Variants in TTYH2 observed in about 807,000 individuals in gnomAD.
The protein encoded by TTYH2 is protein tweety homolog 2.
In TTYH2, 49 loss-of-function variants were observed where a neutral mutation model predicts 68.3. The observed-to-expected ratio is 0.72, with a 90% CI of 0.57 to 0.91. TTYH2 has a LOEUF of 0.91. Ranked by LOEUF, TTYH2 falls within the 40% of genes least tolerant of loss-of-function variation. TTYH2 has a pLI of 0.00. For synonymous variants in TTYH2, 272 were observed against 300.8 expected (o/e 0.90, Z 0.99); for missense variants, 631 against 700.4 (o/e 0.90, Z 1.12).
At chr17:74,227,983 C>CTT (rs35080135) in intron 2 of TTYH2, among the ~76,000 whole-genome samples, 1,230 of 112,492 alleles carry the variant, frequency 0.011, 65 homozygotes, top group African/African-American at 0.048. Context: ...TCTTTTCTTT[C>CTT]TTTTTTTTTT....
chr17:74,233,877 G>A (rs1462034973), intron 3 of TTYH2, among the ~76,000 whole-genome samples: 1 of 152,152 alleles, frequency 6.6e-6, no homozygotes, highest in African/African-American at 2.4e-5. Flanking sequence ...GTCTGCAGCA[G>A]GCTGATGGGC....
At chr17:74,230,853 T>C (rs2050381063) in intron 2 of TTYH2, 35 bp from the exon 3 acceptor site, 1 of 1,605,108 alleles carries the variant, frequency 6.2e-7, no homozygotes, top group South Asian at 1.1e-5. Context: ...CCTCTGTGTA[T>C]CACCTCTAAC....
rs2050742128 is a variant in TTYH2 at position 74,260,755 on chromosome 17, C to T, written c.*546C>T. The T allele has an allele frequency of 6.4e-6, 1 of 155,318 alleles. No individual in the cohort carries two copies. Among genetic ancestry groups the T allele is most frequent in the Admixed American group, 6.2e-5 (1 of 16,096 alleles). The allele number at this position is 155,318 out of a possible 1,614,324, so 9.6% of individuals were successfully genotyped here. A position where few individuals can be genotyped will look rare whatever the true frequency, so the allele number is the denominator to read the frequency against. ...CACCAGAACAGCCCAAATCAGAGTT[C>T]CCAGGGCCAGACAGGCTCTTCCTGG... On this transcript the variant is annotated 3_prime_UTR_variant, in exon 14 of 14. Coordinates refer to ENST00000269346, the MANE Select transcript of TTYH2 (RefSeq NM_032646.6).
At position 74,217,065 on chromosome 17, in the gene TTYH2, C is replaced by T. The variant is rs574481657; in HGVS notation, c.129+3349C>T. 8.5e-5 allele frequency among the ~76,000 whole-genome samples: 13 copies of T among 152,304 alleles called. No homozygotes were observed. The highest frequency in any genetic ancestry group is 2.9e-4 in the African/African-American group (12 of 41,572). ...AGCAATGTCTCTCTGAGCAAATGAA[C>T]GAGGCACTTCGGTGTCCCTGCCTGA... is the stretch of plus-strand genomic sequence containing the variant. On this transcript the variant is annotated intron_variant, in intron 1 of 13. Coordinates refer to ENST00000269346, the MANE Select transcript of TTYH2 (RefSeq NM_032646.6). The surrounding 1 kb of genome is among the most constrained non-coding windows in gnomAD (Gnocchi z 4.0).
rs185384296 is a variant in TTYH2 at position 74,215,079 on chromosome 17, C to T, written c.129+1363C>T. ...GCCCAGCCTGTGGGAGTCTGTGTTCCCTGAGAATGTGGCTGCCTGGGGATA... is the reference window on the plus strand; with the variant it reads ...GCCCAGCCTGTGGGAGTCTGTGTTCTCTGAGAATGTGGCTGCCTGGGGATA... On this transcript the variant is annotated intron_variant, in intron 1 of 13. Coordinates refer to ENST00000269346, the MANE Select transcript of TTYH2 (RefSeq NM_032646.6). The surrounding 1 kb of genome is among the most constrained non-coding windows in gnomAD (Gnocchi z 4.3). Among the ~76,000 whole-genome samples the T allele has an allele frequency of 4.6e-5, 7 of 151,920 alleles. No homozygotes were observed. The highest frequency in any genetic ancestry group is 2.0e-4 in the Admixed American group (3 of 15,270).
intron 4 of TTYH2, among the ~76,000 whole-genome samples, chr17:74,238,166 C>A (rs377097695): frequency 6.6e-6 from 1 of 152,124 alleles, no homozygotes; most frequent in Non-Finnish European, 1.5e-5. Context: ...AGGGTGGAAA[C>A]GCCACATGCT....
In TTYH2 at chr17:74,215,859, A is replaced by T; in HGVS notation, c.129+2143A>T. ...CAAGTGCTATGCCAGGCGTGGGGTGACCGTGGTAACCAAGGCAGCAGGTCT... is the reference window on the plus strand; with the variant it reads ...CAAGTGCTATGCCAGGCGTGGGGTGTCCGTGGTAACCAAGGCAGCAGGTCT... On this transcript the variant is annotated intron_variant, in intron 1 of 13. Coordinates refer to ENST00000269346, the MANE Select transcript of TTYH2 (RefSeq NM_032646.6). This position sits in a 1 kb window ranked among gnomAD's most constrained non-coding sequence, Gnocchi z 4.3. 1 of 776,738 alleles carries T rather than the reference A, an allele frequency of 1.3e-6. No individual in the cohort carries two copies. The allele number at this position is 776,738 out of a possible 1,614,324, so 48.1% of individuals were successfully genotyped here.
At chr17:74,252,179 C>T (rs1567821087) in intron 10 of TTYH2, 55 bp from the exon 11 acceptor site, 6 of 1,601,650 alleles carry the variant, frequency 3.7e-6, no homozygotes, top group Non-Finnish European at 5.1e-6. Flanking sequence ...AGAGCTCGGC[C>T]CGCAGGCTTT....
In TTYH2 at chr17:74,252,295, G is replaced by C. The variant is rs781583856; in HGVS notation, c.1178G>C (p.Gly393Ala). The C allele has an allele frequency of 3.1e-6, 5 of 1,613,808 alleles. No individual in the cohort carries two copies. In the South Asian group the frequency reaches 5.5e-5, roughly 18 times the overall value. The stretch of plus-strand genomic sequence containing the variant: ...GGCCTCCAGGGCTTGCTGTACCTTG[G>C]CCTCTTCTCCTTCCTGGCCGCCCTC... ...YDGLQGLLYL[G>A]LFSFLAALAF... Residue 393 changes from glycine (G) to alanine (A), a missense_variant, in exon 11 of 14, where the codon GGC (glycine) becomes GCC (alanine). Gly to Ala is a moderately conservative substitution (Grantham distance 60, BLOSUM62 0). Coordinates refer to ENST00000269346, the MANE Select transcript of TTYH2 (RefSeq NM_032646.6).
chr17:74,225,947 T>C (rs1317459344), intron 2 of TTYH2, among the ~76,000 whole-genome samples: 2 of 152,202 alleles, frequency 1.3e-5, no homozygotes, highest in East Asian at 3.9e-4. Flanking sequence ...GGCTTACACC[T>C]GGGCGTGGGC....
chr17:74,215,928 G>A lies in TTYH2; in HGVS notation c.129+2212G>A, dbSNP rs531248666. 2.4e-4 allele frequency among the ~76,000 whole-genome samples: 36 copies of A among 152,342 alleles called. No individual in the cohort carries two copies. Among genetic ancestry groups the A allele is most frequent in the Admixed American group, 1.9e-3 (29 of 15,310 alleles). ...GATTTTCTGCGGCTGGGCTCTGGGC[G>A]CAGTGCTATGGCAGACACCAAGCAG... On this transcript the variant is annotated intron_variant, in intron 1 of 13. Coordinates refer to ENST00000269346, the MANE Select transcript of TTYH2 (RefSeq NM_032646.6). This position sits in a 1 kb window ranked among gnomAD's most constrained non-coding sequence, Gnocchi z 4.3.
chr17:74,222,304 A>G lies in TTYH2; in HGVS notation c.130-181A>G, dbSNP rs563479695. Among the ~76,000 whole-genome samples the G allele has an allele frequency of 6.6e-6, 1 of 152,128 alleles. No individual in the cohort carries two copies. The highest frequency in any genetic ancestry group is 2.4e-5 in the African/African-American group (1 of 41,488). On this transcript the variant is annotated intron_variant, in intron 1 of 13. Transcript: ENST00000269346. This position sits in a 1 kb window ranked among gnomAD's most constrained non-coding sequence, Gnocchi z 5.2. ...CCTGTAAGCTCCATCACTCCCACCC[A>G]AGTGCCTCAGCGCCGGGCCCTCTGT...
rs373541262 is a variant in TTYH2, at chr17:74,222,031, G to A, written c.130-454G>A. On this transcript the variant is annotated intron_variant, in intron 1 of 13. Transcript: ENST00000269346. The surrounding 1 kb of genome is among the most constrained non-coding windows in gnomAD (Gnocchi z 5.2). ...AGGCCCTGCCTCAGTGGCACTCAGC[G>A]CCCGAGGCCTCTGGGTACTCTGGTC... 1.4e-4 allele frequency among the ~76,000 whole-genome samples: 21 copies of A among 152,310 alleles called. No homozygotes were observed. The highest frequency in any genetic ancestry group is 1.2e-3 in the South Asian group (6 of 4,832).
At chr17:74,223,276 CTTT>C (rs1187472026) in intron 2 of TTYH2, among the ~76,000 whole-genome samples, 1 of 129,406 alleles carries the variant, frequency 7.7e-6, no homozygotes, top group African/African-American at 3.5e-5. Context: ...GCCTGCCTGG[CTTT>C]TTTTTTGGGG....
rs967530353 is a variant in TTYH2 at position 74,217,296 on chromosome 17, T to C, written c.129+3580T>C. Among the ~76,000 whole-genome samples, 1 of 152,210 alleles carries C rather than the reference T, an allele frequency of 6.6e-6. No homozygotes were observed. Among genetic ancestry groups the C allele is most frequent in the Admixed American group, 6.5e-5 (1 of 15,280 alleles). On this transcript the variant is annotated intron_variant, in intron 1 of 13. Coordinates refer to ENST00000269346, the MANE Select transcript of TTYH2 (RefSeq NM_032646.6). The surrounding 1 kb of genome is among the most constrained non-coding windows in gnomAD (Gnocchi z 4.0). ...GCCGACCAGCTGCTCTTTGGGGACA[T>C]GTGTTAGGAGGCAGAGGAGATGTTG...
In TTYH2 at chr17:74,250,332, T is replaced by A. The variant is rs374479940; in HGVS notation, c.1091T>A (p.Met364Lys). ...SESSLHQLTA[M>K]VDCRGLHKDY... ...TCCAGCCTTCACCAGCTGACCGCCA[T>A]GGTGGACTGCCGAGGGCTGCACAAG... The change falls in exon 10 of 14, where the codon ATG (methionine) becomes AAG (lysine). Residue 364 changes from methionine to lysine, a missense_variant. By Grantham distance (95) the Met-to-Lys change is moderately conservative. Transcript: ENST00000269346. The A allele has an allele frequency of 6.2e-7, 1 of 1,613,454 alleles. No homozygotes were observed. Among genetic ancestry groups the A allele is most frequent in the East Asian group, 2.2e-5 (1 of 44,876 alleles).
At chr17:74,243,101 C>T (rs1160527252) in intron 4 of TTYH2, among the ~76,000 whole-genome samples, 1 of 152,202 alleles carries the variant, frequency 6.6e-6, no homozygotes, top group Admixed American at 6.5e-5. Context: ...AACAGCTCCT[C>T]CACTGGGGAA....
chr17:74,252,449 C>G (rs1598233030), intron 11 of TTYH2, 73 bp downstream of exon 11: 1 of 1,543,260 alleles, frequency 6.5e-7, no homozygotes, highest in African/African-American at 1.4e-5. Context: ...GGGGCCTCTG[C>G]TCTACGATTT....
intron 1 of TTYH2, among the ~76,000 whole-genome samples, chr17:74,216,617 AGCCCAAGTCCTC>A (rs1419181810): frequency 6.6e-6 from 1 of 152,200 alleles, no homozygotes; most frequent in Non-Finnish European, 1.5e-5. Flanking sequence ...AGTGAACTTG[AGCCCAAGTCCTC>A]GCAAAGGCCA....
Sources: gnomAD v4.1 joint callset for allele counts (sites outside exome capture counted in the v4.1 genomes callset) on GRCh38, gnomAD v4.1.1 for gene constraint, Gnocchi (gnomAD v3.1) non-coding constraint, MANE v1.5 for transcripts, NCBI Gene and HGNC (gene_info 2026-07-23, HGNC 2026-07-21) for gene names.